HEATR1: variants seen among roughly 807,000 people sequenced by gnomAD.
The protein encoded by HEATR1 is HEAT repeat containing 1, also known as HEAT repeat-containing protein 1.
HEATR1 carries 77 observed loss-of-function variants against 248.2 expected under a neutral mutation model. The ratio of observed to expected loss-of-function variants is 0.31; its 90% confidence interval spans 0.26 to 0.37. The LOEUF (loss-of-function observed/expected upper bound fraction) is 0.37. Ranked by LOEUF, HEATR1 falls within the 10% of genes least tolerant of loss-of-function variation. HEATR1 has a pLI of 1.00. For synonymous variants in HEATR1, 897 were observed against 923.1 expected, an observed-to-expected ratio of 0.97 and a Z score of 0.51; for missense variants, 2,420 against 2,504.9, an observed-to-expected ratio of 0.97 and a Z score of 0.72.
chr1:236,601,348 G>T (rs2102801647), intron 3 of HEATR1, among the ~76,000 whole-genome samples: 1 of 151,808 alleles, frequency 6.6e-6, no homozygotes, highest in African/African-American at 2.4e-5. Context: ...CTGGATTCAA[G>T]CAATTCTCCT....
rs758359182 is a variant in HEATR1, at chr1:236,555,107, TAAC to T, written c.5923+186_5923+188del. 3.3e-5 allele frequency among the ~76,000 whole-genome samples: 5 copies of T among 152,316 alleles called. No homozygotes were observed. The East Asian group carries it at 5.8e-4, about 18-fold the overall frequency. On this transcript the variant is annotated intron_variant, in intron 41 of 44. Coordinates refer to ENST00000366582, the MANE Select transcript of HEATR1 (RefSeq NM_018072.6). ...TCTTTCTCCCAAGTGAGGTGACTTA[TAAC>T]ATTCGCTCATGATGCTAAAACAACA...
chr1:236,583,972 C>T (rs1292932887), intron 17 of HEATR1, among the ~76,000 whole-genome samples: 2 of 151,948 alleles, frequency 1.3e-5, no homozygotes, highest in African/African-American at 4.8e-5. Context: ...ACTGTAAGTG[C>T]CAAAAGAATG....
intron 26 of HEATR1, among the ~76,000 whole-genome samples, chr1:236,572,028 C>A (rs1663442416): frequency 6.6e-6 from 1 of 152,030 alleles, no homozygotes; most frequent in African/African-American, 2.4e-5. Context: ...ATACACAAAT[C>A]TACGTATATA....
intron 43 of HEATR1, chr1:236,552,408 C>A: frequency 5.3e-6 from 1 of 187,624 alleles, no homozygotes; most frequent in Non-Finnish European, 1.1e-5. Flanking sequence ...AAATAAAATG[C>A]CGCATGCAAA....
At chr1:236,580,824 A>ATTTTTTTTTTTTTT (rs71178327) in intron 20 of HEATR1, among the ~76,000 whole-genome samples, 10 of 126,650 alleles carry the variant, frequency 7.9e-5, no homozygotes, top group Non-Finnish European at 1.1e-4. Context: ...GCCTTTATCG[A>ATTTTTTTTTTTTTT]TTTTTTTTTT....
chr1:236,551,884 G>C (rs2103120108), intron 44 of HEATR1, 115 bp downstream of exon 44: 1 of 716,164 alleles, frequency 1.4e-6, no homozygotes, highest in East Asian at 2.6e-5. Flanking sequence ...ATGAGGACTG[G>C]ATCAACTGCT....
intron 23 of HEATR1, 29 bp from the exon 24 acceptor site, chr1:236,574,362 G>C: frequency 6.3e-7 from 1 of 1,588,076 alleles, no homozygotes; most frequent in Non-Finnish European, 8.5e-7. Context: ...AGGCAACTGA[G>C]TTCAGTGAAC....
intron 3 of HEATR1, among the ~76,000 whole-genome samples, chr1:236,601,264 T>G (rs949996332): frequency 4.1e-4 from 63 of 151,956 alleles, no homozygotes; most frequent in Non-Finnish European, 7.7e-4. Context: ...GTTTTTTTTT[T>G]TTGATACGGC....
intron 30 of HEATR1, among the ~76,000 whole-genome samples, chr1:236,566,398 C>G (rs2758171): frequency 0.54 from 82,100 of 151,760 alleles, 24,099 homozygotes; most frequent in Non-Finnish European, 0.66. Flanking sequence ...TTGCGTGGCA[C>G]CAGAACTGTT....
intron 32 of HEATR1, 124 bp from the exon 33 acceptor site, chr1:236,561,395 A>G (rs1386049157): frequency 1.3e-6 from 1 of 748,588 alleles, no homozygotes; most frequent in Non-Finnish European, 2.4e-6. Context: ...TTCTGACATT[A>G]CAATTTAATC....
At chr1:236,554,885 C>A (rs551909573) in intron 41 of HEATR1, 133 bp from the exon 42 acceptor site, 10 of 781,852 alleles carry the variant, frequency 1.3e-5, no homozygotes, top group Middle Eastern at 3.8e-4. Context: ...ATAATCAGGA[C>A]GAAGGCAGAA....
chr1:236,588,126 T>C (rs1663942761), intron 12 of HEATR1, 83 bp from the exon 13 acceptor site: 4 of 965,626 alleles, frequency 4.1e-6, no homozygotes, highest in South Asian at 1.6e-5. Context: ...TATGGTTTTG[T>C]GAAAAACACT....
At chr1:236,554,002 C>T (rs560572479) in intron 42 of HEATR1, among the ~76,000 whole-genome samples, 7 of 152,252 alleles carry the variant, frequency 4.6e-5, no homozygotes, top group South Asian at 2.1e-4. Context: ...TGCTCTGACG[C>T]GTTCTCAGTG....
At chr1:236,553,029 G>A (rs1662826283) in intron 43 of HEATR1, 1 of 152,144 alleles carries the variant, frequency 6.6e-6, no homozygotes, top group Admixed American at 6.5e-5. Flanking sequence ...ACAATCATTA[G>A]TTTGAGAAAT....
chr1:236,594,797 A>AATT (rs149235268), intron 8 of HEATR1, among the ~76,000 whole-genome samples: 217 of 151,986 alleles, frequency 1.4e-3, no homozygotes, highest in Admixed American at 2.9e-3. Flanking sequence ...ATCACTTTCT[A>AATT]ATTATTATTA....
intron 22 of HEATR1, among the ~76,000 whole-genome samples, chr1:236,575,857 G>A (rs1023072295): frequency 1.3e-5 from 2 of 152,086 alleles, no homozygotes; most frequent in African/African-American, 4.8e-5. Context: ...TCATAGACTC[G>A]TGTCCAAATA....
At chr1:236,600,609 C>A (rs1664296837) in intron 3 of HEATR1, among the ~76,000 whole-genome samples, 1 of 152,032 alleles carries the variant, frequency 6.6e-6, no homozygotes, top group Admixed American at 6.6e-5. Flanking sequence ...CAGCTCACTG[C>A]AACCTTCGCC....
At position 236,564,579 on chromosome 1, in the gene HEATR1, A is replaced by G. The variant is rs559259584; in HGVS notation, c.4518T>C (p.Thr1506=). Residue 1506 remains threonine, a synonymous_variant, in exon 32 of 45, where the codon ACT becomes ACC. Transcript: ENST00000366582. The part of the protein sequence containing the change: ...MLQVFNVETH[T]SKQLRHFKFL... ...ATTTAAAATGCCGCAGTTGCTTGCT[A>G]GTGTGAGTCTCTACATTAAAAACCT... is the stretch of plus-strand genomic sequence containing the variant. 75 of 1,613,962 alleles carry G rather than the reference A, an allele frequency of 4.6e-5. No homozygotes were observed. The Middle Eastern group carries it at 8.4e-4, about 18-fold the overall frequency.
intron 5 of HEATR1, among the ~76,000 whole-genome samples, chr1:236,597,469 T>A (rs1207670189): frequency 6.6e-6 from 1 of 152,058 alleles, no homozygotes; most frequent in Non-Finnish European, 1.5e-5. Flanking sequence ...GCCAGGCTGG[T>A]CTCAAACTCC....
Sources: gnomAD v4.1 joint callset for allele counts (sites outside exome capture counted in the v4.1 genomes callset) on GRCh38, gnomAD v4.1.1 for gene constraint, MANE v1.5 for transcripts, NCBI Gene and HGNC (gene_info 2026-07-23, HGNC 2026-07-21) for gene names.